Variants in ATXN1 observed in about 807,000 individuals in gnomAD.
ATXN1 encodes the protein ataxin 1, also known as ataxin-1.
Under a neutral mutation model 56.4 loss-of-function variants are expected in ATXN1, and 8 were observed. The ratio of observed to expected loss-of-function variants is 0.14; its 90% confidence interval spans 0.08 to 0.26. ATXN1 has a LOEUF of 0.26. ATXN1 is among the 10% of genes least tolerant of loss of function. The probability of loss-of-function intolerance (pLI) is 1.00; values close to 1 mark genes in which losing one functional copy is unlikely to be tolerated. For missense variants in ATXN1, 987 were observed against 1,106.5 expected (o/e 0.89, Z 1.53); for synonymous variants, 514 against 494.6 (o/e 1.04, Z -0.52).
chr6:16,368,653 C>T (rs1761979368), intron 6 of ATXN1, among the ~76,000 whole-genome samples: 1 of 152,144 alleles, frequency 6.6e-6, no homozygotes, highest in South Asian at 2.1e-4. Flanking sequence ...TTCCAACTGG[C>T]ACATCTAATC....
intron 6 of ATXN1, among the ~76,000 whole-genome samples, chr6:16,474,862 ACAC>A (rs1760294768): frequency 7.2e-6 from 1 of 138,142 alleles, no homozygotes; most frequent in Non-Finnish European, 1.6e-5. Flanking sequence ...ACACACACAC[ACAC>A]TCTCTCTCTC....
At chr6:16,331,427 C>T (rs775998033) in intron 6 of ATXN1, among the ~76,000 whole-genome samples, 6 of 152,182 alleles carry the variant, frequency 3.9e-5, no homozygotes, top group African/African-American at 2.4e-5. Context: ...GAATGCCAAA[C>T]GCTCCCACAT....
intron 6 of ATXN1, among the ~76,000 whole-genome samples, chr6:16,331,768 T>C (rs1422312017): frequency 1.3e-5 from 2 of 152,182 alleles, no homozygotes; most frequent in East Asian, 3.9e-4. Flanking sequence ...GCCTGTACAA[T>C]TGAATGCACA....
chr6:16,654,672 C>G (rs545732812), intron 3 of ATXN1, among the ~76,000 whole-genome samples: 6 of 152,064 alleles, frequency 3.9e-5, no homozygotes, highest in Admixed American at 1.3e-4. Flanking sequence ...GAGATAGTCC[C>G]CAAGCAACTG....
chr6:16,426,834 T>C (rs146487784), intron 6 of ATXN1, among the ~76,000 whole-genome samples: 110 of 150,766 alleles, frequency 7.3e-4, no homozygotes, highest in African/African-American at 2.6e-3. Context: ...CTTAGATGTA[T>C]CTTGTCCTGT....
At chr6:16,681,897 C>G (rs529621492) in intron 2 of ATXN1, among the ~76,000 whole-genome samples, 7 of 152,246 alleles carry the variant, frequency 4.6e-5, no homozygotes, top group Admixed American at 3.9e-4. Context: ...GTGGCAGATA[C>G]AGAACTTGAG....
chr6:16,632,523 A>AG (rs1763523293), intron 3 of ATXN1, among the ~76,000 whole-genome samples: 1 of 152,158 alleles, frequency 6.6e-6, no homozygotes, highest in Non-Finnish European at 1.5e-5. Flanking sequence ...TTAAGCCCCG[A>AG]GGGGGCCATG....
chr6:16,505,566 T>C (rs1211833731), intron 5 of ATXN1, among the ~76,000 whole-genome samples: 1 of 152,062 alleles, frequency 6.6e-6, no homozygotes, highest in Non-Finnish European at 1.5e-5. Context: ...CCCCTTGCAA[T>C]AAAAAAGAAG....
chr6:16,571,556 A>G (rs149009167), intron 4 of ATXN1, among the ~76,000 whole-genome samples: 2,285 of 152,114 alleles, frequency 0.015, 73 homozygotes, highest in African/African-American at 0.051. Flanking sequence ...CAGTGGTGCA[A>G]TCATAGCTCA....
At chr6:16,436,663 C>G (rs901241891) in intron 6 of ATXN1, among the ~76,000 whole-genome samples, 1 of 151,768 alleles carries the variant, frequency 6.6e-6, no homozygotes, top group Non-Finnish European at 1.5e-5. Flanking sequence ...TGGAGGAACA[C>G]CATCGAGGTG....
At chr6:16,581,739 A>G (rs2113761033) in intron 4 of ATXN1, among the ~76,000 whole-genome samples, 1 of 152,312 alleles carries the variant, frequency 6.6e-6, no homozygotes, top group South Asian at 2.1e-4. Flanking sequence ...TCACTCTCTG[A>G]GGTGAATTAT....
chr6:16,356,234 T>TA (rs1290665350), intron 6 of ATXN1, among the ~76,000 whole-genome samples: 1 of 152,188 alleles, frequency 6.6e-6, no homozygotes, highest in African/African-American at 2.4e-5. Context: ...AAAACCTCAG[T>TA]AAAAAATCGT....
At chr6:16,565,375 A>G (rs1331055343) in intron 4 of ATXN1, among the ~76,000 whole-genome samples, 2 of 152,182 alleles carry the variant, frequency 1.3e-5, no homozygotes, top group Non-Finnish European at 2.9e-5. Context: ...ATCATTCCCC[A>G]TAATCTATTT....
chr6:16,557,392 G>A (rs1762035081), intron 4 of ATXN1, among the ~76,000 whole-genome samples: 1 of 151,212 alleles, frequency 6.6e-6, no homozygotes, highest in Non-Finnish European at 1.5e-5. Flanking sequence ...AGGGACAGAG[G>A]AGGAGATAGG....
chr6:16,549,474 T>C (rs1028023562), intron 4 of ATXN1, among the ~76,000 whole-genome samples: 2 of 152,208 alleles, frequency 1.3e-5, no homozygotes, highest in Non-Finnish European at 2.9e-5. Context: ...AATGTCGTTA[T>C]GCGGCACATG....
intron 6 of ATXN1, among the ~76,000 whole-genome samples, chr6:16,391,736 T>C (rs1191397842): frequency 2.0e-5 from 3 of 152,178 alleles, no homozygotes; most frequent in Admixed American, 6.5e-5. Context: ...TGAACTAGAC[T>C]TTTCACCTGT....
intron 3 of ATXN1, among the ~76,000 whole-genome samples, chr6:16,607,165 C>T (rs981986681): frequency 7.9e-5 from 12 of 152,190 alleles, no homozygotes; most frequent in East Asian, 3.9e-4. Context: ...TGAGCCACCG[C>T]GTCCGGCCAG....
intron 4 of ATXN1, among the ~76,000 whole-genome samples, chr6:16,569,799 C>G (rs1297660915): frequency 6.6e-6 from 1 of 152,156 alleles, no homozygotes; most frequent in African/African-American, 2.4e-5. Context: ...AAATTCTGGT[C>G]AAGGGAACAT....
chr6:16,345,433 TG>T lies in ATXN1; in HGVS notation c.-160-16964del, dbSNP rs543581388. ...GTCTCTGGATTTACTGGAAGAGGTG[TG>T]TATTTACAAAGACAACAATTTTGTT... On this transcript the variant is annotated intron_variant, in intron 6 of 7. Transcript: ENST00000436367. Among the ~76,000 whole-genome samples the T allele has an allele frequency of 9.9e-4, 151 of 152,320 alleles. 1 individual carries two copies. In the East Asian group the frequency reaches 0.014, roughly 14 times the overall value.
Sources: gnomAD v4.1 joint callset for allele counts (sites outside exome capture counted in the v4.1 genomes callset) on GRCh38, gnomAD v4.1.1 for gene constraint, MANE v1.5 for transcripts, NCBI Gene and HGNC (gene_info 2026-07-23, HGNC 2026-07-21) for gene names.